TGS1: variants seen among roughly 807,000 people sequenced by gnomAD.
TGS1 encodes the protein trimethylguanosine synthase 1, also known as trimethylguanosine synthase.
A neutral mutation model predicts 92.2 loss-of-function variants in TGS1; 69 were observed. The ratio of observed to expected loss-of-function variants is 0.75; its 90% CI spans 0.62 to 0.91. The LOEUF is 0.91. Among genes scored for constraint, TGS1 ranks in the 40% least tolerant of loss-of-function variants. TGS1 has a pLI of 0.00. For missense variants in TGS1, 1,062 were observed against 1,001.2 expected, an observed-to-expected ratio of 1.06 and a Z score of -0.82; for synonymous variants, 345 against 338.1, an observed-to-expected ratio of 1.02 and a Z score of -0.22.
At position 55,786,758 on chromosome 8, in the gene TGS1, G is replaced by C; in HGVS notation, c.860G>C (p.Cys287Ser). The C allele has an allele frequency of 1.2e-6, 2 of 1,614,164 alleles. No homozygotes were observed. The highest frequency in any genetic ancestry group is 1.7e-6 in the Non-Finnish European group (2 of 1,180,034). Reference protein sequence around the residue: ...TEADDKNDEKCMKVDLVSFPS... With the variant: ...TEADDKNDEKSMKVDLVSFPS... ...GCTGATGACAAGAACGATGAAAAAT[G>C]CATGAAAGTTGACTTAGTATCTTTT... The change falls in exon 4 of 13, where the codon TGC (cysteine) becomes TCC (serine). Residue 287 changes from cysteine (C) to serine (S), a missense_variant. Transcript: ENST00000260129.
At chr8:55,791,166 A>G (rs900525517) in intron 5 of TGS1, among the ~76,000 whole-genome samples, 4 of 152,150 alleles carry the variant, frequency 2.6e-5, no homozygotes, top group Admixed American at 6.5e-5. Context: ...GCCCAGATCA[A>G]CTCTACTCGA....
At chr8:55,780,538 G>A (rs1405996002) in intron 1 of TGS1, among the ~76,000 whole-genome samples, 2 of 152,134 alleles carry the variant, frequency 1.3e-5, no homozygotes, top group Non-Finnish European at 2.9e-5. Flanking sequence ...GTTTTCTACT[G>A]TAAAGTCACA....
intron 12 of TGS1, among the ~76,000 whole-genome samples, chr8:55,817,345 T>C (rs1407608178): frequency 6.6e-6 from 1 of 152,218 alleles, no homozygotes; most frequent in African/African-American, 2.4e-5. Context: ...TTATAGGTAA[T>C]ATTTCTAAAA....
intron 12 of TGS1, among the ~76,000 whole-genome samples, chr8:55,816,444 T>C (rs951889538): frequency 6.6e-6 from 1 of 152,210 alleles, no homozygotes; most frequent in Non-Finnish European, 1.5e-5. Context: ...GGAAGTCTGC[T>C]GGTCTGTTTG....
rs1213200160 is a variant in TGS1 at position 55,825,509 on chromosome 8, C to CA, written c.*813dup. 1 of 151,836 alleles carries CA rather than the reference C, an allele frequency of 6.6e-6. No homozygotes were observed. The highest frequency in any genetic ancestry group is 6.6e-5 in the Admixed American group (1 of 15,220). The allele number at this position is 151,836 out of a possible 1,614,324, so 9.4% of individuals were successfully genotyped here. A position where few individuals can be genotyped will look rare whatever the true frequency, so the allele number is the denominator to read the frequency against. On this transcript the variant is annotated 3_prime_UTR_variant, in exon 13 of 13. Coordinates refer to ENST00000260129, the MANE Select transcript of TGS1 (RefSeq NM_024831.8). ...TTGTTCAGTCATTTTTACAAGTAGG[C>CA]AAAAAAATAGTGACATACAACACTT...
intron 1 of TGS1, among the ~76,000 whole-genome samples, chr8:55,781,516 T>C (rs1490712562): frequency 1.3e-5 from 2 of 152,364 alleles, no homozygotes; most frequent in East Asian, 3.9e-4. Flanking sequence ...CCAACCATAC[T>C]GGTCCTCTCC....
chr8:55,820,269 A>G (rs1164485008), intron 12 of TGS1, among the ~76,000 whole-genome samples: 1 of 152,182 alleles, frequency 6.6e-6, no homozygotes, highest in Non-Finnish European at 1.5e-5. Flanking sequence ...GTTTTGCTCC[A>G]GGCGCAGTGG....
chr8:55,810,838 A>C (rs1481465479), intron 10 of TGS1, 43 bp from the exon 11 acceptor site: 7 of 1,448,116 alleles, frequency 4.8e-6, no homozygotes, highest in East Asian at 2.3e-5. Context: ...TATAAGTAAT[A>C]ATCAGTGTCA....
At chr8:55,774,640 G>A (rs764295962) in intron 1 of TGS1, among the ~76,000 whole-genome samples, 1 of 150,420 alleles carries the variant, frequency 6.6e-6, no homozygotes, top group Non-Finnish European at 1.5e-5. Context: ...AAGTATGCTG[G>A]TAGGCACTGA....
intron 8 of TGS1, among the ~76,000 whole-genome samples, chr8:55,800,634 G>T (rs1487400906): frequency 6.6e-6 from 1 of 152,136 alleles, no homozygotes; most frequent in Non-Finnish European, 1.5e-5. Context: ...TTAATGTTAG[G>T]TCATGTACAG....
chr8:55,790,966 TTCTCTC>T (rs3058135), intron 5 of TGS1, among the ~76,000 whole-genome samples: 11 of 149,580 alleles, frequency 7.4e-5, no homozygotes, highest in African/African-American at 2.7e-4. Context: ...AATTCATATC[TTCTCTC>T]TCTCTCTCTC....
chr8:55,775,972 A>G (rs1444360630), intron 1 of TGS1, among the ~76,000 whole-genome samples: 9 of 152,198 alleles, frequency 5.9e-5, no homozygotes, highest in Admixed American at 5.2e-4. Context: ...GACTAAAAGT[A>G]TCCACTAGAA....
chr8:55,777,593 G>A (rs1214829313), intron 1 of TGS1, among the ~76,000 whole-genome samples: 1 of 151,738 alleles, frequency 6.6e-6, no homozygotes, highest in African/African-American at 2.4e-5. Flanking sequence ...AGGCTGGAGT[G>A]CAGTGGCATG....
At chr8:55,800,742 G>T (rs1476456576) in intron 8 of TGS1, among the ~76,000 whole-genome samples, 1 of 152,146 alleles carries the variant, frequency 6.6e-6, no homozygotes, top group African/African-American at 2.4e-5. Flanking sequence ...ACACTTGTTT[G>T]GGGATGGGGA....
rs185054135 is a variant in TGS1, at chr8:55,818,576, C to A, written c.2439+5458C>A. Among the ~76,000 whole-genome samples, 472 of 152,334 alleles carry A rather than the reference C, an allele frequency of 3.1e-3. 5 individuals are homozygous for A. Among genetic ancestry groups the A allele is most frequent in the African/African-American group, 0.01 (419 of 41,578 alleles). On this transcript the variant is annotated intron_variant, in intron 12 of 12. Transcript: ENST00000260129. ...AGCTTTTCCCTTGGGAAGTTTGCTG[C>A]TGCACAATTAGAGCAGAATCGTTTG... is the stretch of plus-strand genomic sequence containing the variant.
At chr8:55,820,562 A>AT (rs1803608292) in intron 12 of TGS1, among the ~76,000 whole-genome samples, 1 of 152,134 alleles carries the variant, frequency 6.6e-6, no homozygotes. Flanking sequence ...ACAAAAAAAA[A>AT]GTGCAGTTTT....
At chr8:55,808,118 T>C (rs1452154275) in intron 10 of TGS1, among the ~76,000 whole-genome samples, 1 of 152,196 alleles carries the variant, frequency 6.6e-6, no homozygotes, top group Non-Finnish European at 1.5e-5. Context: ...TTAAGGTCAG[T>C]GCTGATGAAA....
chr8:55,787,124 T>C, intron 4 of TGS1, 64 bp downstream of exon 4: 1 of 1,105,190 alleles, frequency 9.0e-7, no homozygotes, highest in Non-Finnish European at 1.3e-6. Context: ...TTTAGCAAAA[T>C]AACTACTAAT....
chr8:55,805,095 C>G, intron 10 of TGS1, 59 bp downstream of exon 10: 1 of 1,481,696 alleles, frequency 6.7e-7, no homozygotes, highest in Non-Finnish European at 9.3e-7. Context: ...GTAAATGTTT[C>G]CATTTTGCTA....
Sources: allele counts gnomAD v4.1 joint callset (sites outside exome capture counted in the v4.1 genomes callset), GRCh38; gene constraint gnomAD v4.1.1; transcripts MANE v1.5; gene names NCBI Gene and HGNC (gene_info 2026-07-23, HGNC 2026-07-21).